MED16: variants seen among roughly 807,000 people sequenced by gnomAD.
MED16 encodes the protein mediator of RNA polymerase II transcription subunit 16.
In MED16, 81 loss-of-function variants were observed where a neutral mutation model predicts 84.4. That is an observed-to-expected ratio of 0.96 (90% CI 0.80 to 1.15). The LOEUF (loss-of-function observed/expected upper bound fraction) is 1.15, where lower values mean the gene tolerates loss of function less well. Ranked by LOEUF, MED16 falls within the 50% of genes most tolerant of loss-of-function variation. The pLI, the probability that MED16 is intolerant of heterozygous loss-of-function variation, is 0.00. For synonymous variants in MED16, 897 were observed against 552.2 expected (o/e 1.62, Z -8.76); for missense variants, 1,585 against 1,245.9 (o/e 1.27, Z -4.10).
chr19:876,934 C>A, intron 9 of MED16, 40 bp downstream of exon 9: 2 of 1,563,508 alleles, frequency 1.3e-6, no homozygotes, highest in African/African-American at 1.4e-5. Flanking sequence ...GCCACAGGGC[C>A]CCCACCTGCC....
intron 9 of MED16, 48 bp downstream of exon 9, chr19:876,923 TGCC>T: frequency 1.3e-6 from 2 of 1,536,398 alleles, no homozygotes; most frequent in South Asian, 2.4e-5. Flanking sequence ...GGCCCCCACC[TGCC>T]ACAGGGCCCC....
intron 4 of MED16, among the ~76,000 whole-genome samples, 157 bp from the exon 5 acceptor site, chr19:886,358 G>C (rs1245773112): frequency 6.6e-6 from 1 of 152,212 alleles, no homozygotes; most frequent in Non-Finnish European, 1.5e-5. Flanking sequence ...TGTGGGATGT[G>C]ATCCCCTCTG....
chr19:881,730 C>G lies in MED16; in HGVS notation c.986-16G>C, dbSNP rs760712095. On this transcript the variant is annotated splice_polypyrimidine_tract_variant and intron_variant, in intron 6 of 15. Coordinates refer to ENST00000325464, the MANE Select transcript of MED16 (RefSeq NM_005481.3). ...TTGTCGCCAACTGAAAAATCAGGGG[C>G]AGGAAAACAGGAAGGCAATGGAGTA... 2.8e-4 allele frequency: 445 copies of G among 1,605,702 alleles called. 1 individual carries two copies. Among genetic ancestry groups the G allele is most frequent in the South Asian group, 5.3e-4 (48 of 90,400 alleles).
intron 11 of MED16, 49 bp downstream of exon 11, chr19:873,400 G>A (rs1455733695): frequency 1.3e-6 from 2 of 1,577,660 alleles, no homozygotes; most frequent in Admixed American, 1.7e-5. Flanking sequence ...GTCCTGATGA[G>A]ATGGGGGCCC....
chr19:881,904 T>C (rs918673693), intron 6 of MED16, among the ~76,000 whole-genome samples, 190 bp from the exon 7 acceptor site: 5 of 152,072 alleles, frequency 3.3e-5, no homozygotes, highest in Admixed American at 3.3e-4. Flanking sequence ...CACTCATTGG[T>C]TCCAGGATGG....
In MED16 at chr19:868,220, C is replaced by T. The variant is rs752405881; in HGVS notation, c.2515G>A (p.Val839Met). 111 of 1,599,218 alleles carry T rather than the reference C, an allele frequency of 6.9e-5. 2 individuals carry two copies. Among genetic ancestry groups the T allele is most frequent in the South Asian group, 5.9e-4 (53 of 89,450 alleles). The change falls in exon 16 of 16, where the codon GTG becomes ATG. Residue 839 changes from valine to methionine, a missense_variant. Coordinates refer to ENST00000325464, the MANE Select transcript of MED16 (RefSeq NM_005481.3). ...AVEGRGPDACVTSRASEEAPA... is the reference protein window; with the variant it reads ...AVEGRGPDACMTSRASEEAPA... Reference sequence around the variant, plus strand: ...GCTTCCTCAGAAGCTCTGCTGGTCACGCAGGCGTCCGGCCCACGGCCTTCA... The same window carrying T: ...GCTTCCTCAGAAGCTCTGCTGGTCATGCAGGCGTCCGGCCCACGGCCTTCA...
intron 12 of MED16, 39 bp from the exon 13 acceptor site, chr19:871,292 T>C: frequency 6.6e-7 from 1 of 1,508,938 alleles, no homozygotes; most frequent in Non-Finnish European, 8.9e-7. Context: ...CACCCCTGAC[T>C]GGGGCACCGC....
At position 886,018 on chromosome 19, in the gene MED16, C is replaced by A; in HGVS notation, c.631G>T (p.Gly211Cys). The A allele has an allele frequency of 6.2e-7, 1 of 1,601,082 alleles. No homozygotes were observed. Residue 211 changes from glycine to cysteine, a missense_variant, in exon 5 of 16, where the codon GGC becomes TGC. By Grantham distance (159) the Gly-to-Cys change is radical. Transcript: ENST00000325464. ...TSTESLCRLR[G>C]RVALADIAFT... is the part of the protein sequence containing the mutation. ...GCGATGTCGGCCAGGGCCACGCGGC[C>A]GCGCAGCCGGCACAGGCTCTCGGTG...
At chr19:878,658 C>T (rs1359447908) in intron 8 of MED16, among the ~76,000 whole-genome samples, 25 of 140,496 alleles carry the variant, frequency 1.8e-4, no homozygotes, top group Middle Eastern at 4.7e-3. Flanking sequence ...AGCTCACCTT[C>T]CCCTGGTTGT....
intron 9 of MED16, 69 bp downstream of exon 9, chr19:876,905 T>A: frequency 3.4e-6 from 5 of 1,488,228 alleles, no homozygotes; most frequent in Non-Finnish European, 4.5e-6. Context: ...GGGCCCCACC[T>A]GCCACGGGGC....
At chr19:883,667 G>A (rs1189200612) in intron 6 of MED16, among the ~76,000 whole-genome samples, 3 of 152,110 alleles carry the variant, frequency 2.0e-5, no homozygotes, top group Non-Finnish European at 4.4e-5. Flanking sequence ...GAGGAGTGTC[G>A]GAGCCCAGGA....
At chr19:876,880 C>CGA (rs2036247597) in intron 9 of MED16, 94 bp downstream of exon 9, 1 of 1,130,146 alleles carries the variant, frequency 8.8e-7, no homozygotes, top group Non-Finnish European at 1.2e-6. Flanking sequence ...TGCCACGGGG[C>CGA]CCCCACCTGC....
At chr19:869,876 A>G (rs976637783) in intron 13 of MED16, among the ~76,000 whole-genome samples, 2 of 152,046 alleles carry the variant, frequency 1.3e-5, no homozygotes, top group African/African-American at 4.8e-5. Context: ...TCAAATCCTG[A>G]CTCGGCCACT....
Position 890,997 on chromosome 19 carries a change from G to T in MED16, c.135C>A (p.Ile45=). Residue 45 remains isoleucine (I), a synonymous_variant, in exon 2 of 16, where the codon ATC becomes ATA. Coordinates refer to ENST00000325464, the MANE Select transcript of MED16 (RefSeq NM_005481.3). Reference sequence around the variant, plus strand: ...CGCTGCGCAGGTCCATGGTGAAGGCGATGAGATTTCGGCAGGACCAGGCGC... The same window carrying T: ...CGCTGCGCAGGTCCATGGTGAAGGCTATGAGATTTCGGCAGGACCAGGCGC... ...LACAWSCRNL[I]AFTMDLRSDD... The T allele has an allele frequency of 6.2e-7, 1 of 1,614,032 alleles. No individual in the cohort carries two copies. Among genetic ancestry groups the T allele is most frequent in the Non-Finnish European group, 8.5e-7 (1 of 1,179,986 alleles).
intron 6 of MED16, among the ~76,000 whole-genome samples, chr19:883,838 C>T (rs80174077): frequency 3.7e-4 from 56 of 152,126 alleles, no homozygotes; most frequent in African/African-American, 1.3e-3. Context: ...CCACGAGGCC[C>T]AGGGGAAGGA....
At chr19:871,577 C>T (rs1010837646) in intron 12 of MED16, 1 of 1,595,252 alleles carries the variant, frequency 6.3e-7, no homozygotes, top group Non-Finnish European at 8.5e-7. Context: ...ATACACACAA[C>T]CCGACAAGGA....
At chr19:879,615 C>A (rs376672604) in intron 8 of MED16, among the ~76,000 whole-genome samples, 1,331 of 7,088 alleles carry the variant, frequency 0.19, 1 homozygote, top group Non-Finnish European at 0.2. Context: ...GTCAATGCCC[C>A]CCAAGCCCAG....
intron 13 of MED16, among the ~76,000 whole-genome samples, chr19:869,374 T>G (rs1259362708): frequency 2.0e-5 from 3 of 150,630 alleles, no homozygotes; most frequent in African/African-American, 4.9e-5. Flanking sequence ...TGCCGGGACC[T>G]CTGAACGACA....
rs751731056 is a variant in MED16 at position 871,257 on chromosome 19, C to T, written c.2099-4G>A. On this transcript the variant is annotated splice_region_variant and splice_polypyrimidine_tract_variant and intron_variant, in intron 12 of 15. Transcript: ENST00000325464. ...CTCGCTGGGCCCTCATCGCGACCTG[C>T]GGAGAGAGGTGGCGGAAGTCTCAGC... 171 of 1,530,952 alleles carry T rather than the reference C, an allele frequency of 1.1e-4. No homozygotes were observed. The highest frequency in any genetic ancestry group is 1.4e-4 in the Non-Finnish European group (159 of 1,133,068). The allele number at this position is 1,530,952 out of a possible 1,614,324, so 94.8% of individuals were successfully genotyped here.
Sources: allele counts gnomAD v4.1 joint callset (sites outside exome capture counted in the v4.1 genomes callset), GRCh38; gene constraint gnomAD v4.1.1; transcripts MANE v1.5; gene names NCBI Gene and HGNC (gene_info 2026-07-23, HGNC 2026-07-21).